Variants in KCNH7 observed in about 807,000 individuals in gnomAD.
KCNH7 encodes the protein potassium voltage-gated channel subfamily H member 7.
A neutral mutation model predicts 120.8 loss-of-function variants in KCNH7; 49 were observed. The observed-to-expected ratio is 0.41, with a 90% confidence interval of 0.32 to 0.51. The LOEUF is 0.51. KCNH7 is among the 20% of genes least tolerant of loss of function. The pLI, the probability that KCNH7 is intolerant of heterozygous loss-of-function variation, is 0.38. For missense variants in KCNH7, 1,097 were observed against 1,446.6 expected (o/e 0.76, Z 3.92); for synonymous variants, 547 against 516.1 (o/e 1.06, Z -0.81).
chr2:162,687,876 A>C (rs1445357510), intron 2 of KCNH7, among the ~76,000 whole-genome samples: 1 of 152,160 alleles, frequency 6.6e-6, no homozygotes, highest in Non-Finnish European at 1.5e-5. Flanking sequence ...AGTAAATAAA[A>C]ACTATGTGTA....
At chr2:162,564,154 G>A (rs1331916895) in intron 2 of KCNH7, among the ~76,000 whole-genome samples, 4 of 151,824 alleles carry the variant, frequency 2.6e-5, no homozygotes, top group Admixed American at 2.6e-4. Context: ...CACTGAATAT[G>A]TTGCTCCTTT....
At chr2:162,373,689 GAC>G in intron 14 of KCNH7, 27 bp from the exon 15 acceptor site, 2 of 1,421,858 alleles carry the variant, frequency 1.4e-6, no homozygotes, top group Non-Finnish European at 1.9e-6. Context: ...AGTAGGAAAA[GAC>G]AGTCTAAAAT....
At position 162,589,904 on chromosome 2, in the gene KCNH7, TTA is replaced by T. The variant is rs555824542; in HGVS notation, c.308-52826_308-52825del. Among the ~76,000 whole-genome samples, 5 of 152,226 alleles carry T rather than the reference TTA, an allele frequency of 3.3e-5. No individual in the cohort carries two copies. In the South Asian group the frequency reaches 1.0e-3, roughly 32 times the overall value. On this transcript the variant is annotated intron_variant, in intron 2 of 15. Coordinates refer to ENST00000332142, the MANE Select transcript of KCNH7 (RefSeq NM_033272.4). ...TGGGTACGTATGTTCCCTTAAACAG[TTA>T]TGTTCTTGTTAAAGTCAGTATATTA...
At chr2:162,768,147 T>G (rs1682894962) in intron 2 of KCNH7, among the ~76,000 whole-genome samples, 2 of 152,192 alleles carry the variant, frequency 1.3e-5, no homozygotes, top group Non-Finnish European at 2.9e-5. Context: ...AATTACTGAC[T>G]TAAAACAAAT....
At chr2:162,540,109 C>G (rs1440430442) in intron 2 of KCNH7, among the ~76,000 whole-genome samples, 1 of 151,890 alleles carries the variant, frequency 6.6e-6, no homozygotes, top group East Asian at 1.9e-4. Context: ...AAATAGACAT[C>G]TAATAATGTG....
chr2:162,463,908 A>C (rs13428842), intron 6 of KCNH7, among the ~76,000 whole-genome samples: 11,216 of 151,990 alleles, frequency 0.074, 1,318 homozygotes, highest in African/African-American at 0.25. Context: ...TGATATGTTT[A>C]TCCAAGGGAG....
intron 9 of KCNH7, among the ~76,000 whole-genome samples, 199 bp from the exon 10 acceptor site, chr2:162,400,640 T>C (rs1211373504): frequency 6.6e-6 from 1 of 151,942 alleles, no homozygotes; most frequent in Non-Finnish European, 1.5e-5. Context: ...ACTTGTTCTC[T>C]GAATTAACTG....
At chr2:162,480,969 G>A (rs1423614935) in intron 6 of KCNH7, among the ~76,000 whole-genome samples, 1 of 152,098 alleles carries the variant, frequency 6.6e-6, no homozygotes, top group Non-Finnish European at 1.5e-5. Context: ...GCTGCTTTTG[G>A]TGACTGCCTT....
At chr2:162,442,447 A>G (rs1370668732) in intron 7 of KCNH7, among the ~76,000 whole-genome samples, 1 of 152,198 alleles carries the variant, frequency 6.6e-6, no homozygotes, top group Admixed American at 6.5e-5. Flanking sequence ...GGTTGAATGT[A>G]AATAAAAGTG....
chr2:162,658,110 C>T lies in KCNH7; in HGVS notation c.308-121030G>A, dbSNP rs755451262. Among the ~76,000 whole-genome samples the T allele has an allele frequency of 4.0e-5, 6 of 151,224 alleles. No individual in the cohort carries two copies. In the East Asian group the frequency reaches 5.9e-4, roughly 15 times the overall value. ...GCCATGGGAGCACACAAGAAGAAGA[C>T]GGCCAACTATAAACCAGGAAGGGGG... On this transcript the variant is annotated intron_variant, in intron 2 of 15. Coordinates refer to ENST00000332142, the MANE Select transcript of KCNH7 (RefSeq NM_033272.4).
intron 2 of KCNH7, among the ~76,000 whole-genome samples, chr2:162,768,665 C>T (rs1313761485): frequency 1.3e-5 from 2 of 152,080 alleles, no homozygotes; most frequent in Non-Finnish European, 2.9e-5. Context: ...GAACAAAGAG[C>T]TTCATAAGTG....
chr2:162,543,906 A>G (rs1018179591), intron 2 of KCNH7, among the ~76,000 whole-genome samples: 5 of 152,190 alleles, frequency 3.3e-5, no homozygotes, highest in Non-Finnish European at 7.4e-5. Flanking sequence ...ATAAAAATCA[A>G]TTTCTCAATT....
At chr2:162,415,114 TC>T (rs1178805488) in intron 9 of KCNH7, among the ~76,000 whole-genome samples, 1 of 151,864 alleles carries the variant, frequency 6.6e-6, no homozygotes, top group African/African-American at 2.4e-5. Context: ...AAACAACTTT[TC>T]TAATTGCCCA....
intron 6 of KCNH7, among the ~76,000 whole-genome samples, chr2:162,467,891 C>G (rs1027456884): frequency 6.6e-6 from 1 of 152,136 alleles, no homozygotes; most frequent in Non-Finnish European, 1.5e-5. Flanking sequence ...ACAGATGGCA[C>G]CTTCTTGTTG....
At chr2:162,565,753 T>A (rs1383282553) in intron 2 of KCNH7, among the ~76,000 whole-genome samples, 3 of 152,066 alleles carry the variant, frequency 2.0e-5, no homozygotes, top group Non-Finnish European at 4.4e-5. Context: ...TTTATAAAGT[T>A]TCACCATCTG....
intron 3 of KCNH7, among the ~76,000 whole-genome samples, chr2:162,534,494 T>C (rs1419745886): frequency 6.6e-6 from 1 of 151,582 alleles, no homozygotes. Flanking sequence ...AAACAAAATT[T>C]AAATATTTAC....
chr2:162,809,849 T>A (rs1049709128), intron 2 of KCNH7, among the ~76,000 whole-genome samples: 1 of 152,110 alleles, frequency 6.6e-6, no homozygotes, highest in Non-Finnish European at 1.5e-5. Context: ...TTTTATAATT[T>A]TAGTTGCTAT....
chr2:162,745,314 C>T (rs991064851), intron 2 of KCNH7, among the ~76,000 whole-genome samples: 5 of 152,120 alleles, frequency 3.3e-5, no homozygotes, highest in Non-Finnish European at 5.9e-5. Flanking sequence ...CTTACCTCTA[C>T]TCGTTTACTG....
chr2:162,803,383 T>C (rs888868549), intron 2 of KCNH7, among the ~76,000 whole-genome samples: 2 of 151,904 alleles, frequency 1.3e-5, no homozygotes, highest in South Asian at 2.1e-4. Context: ...TGTTGATCTA[T>C]TAAATACTTG....
Sources: gnomAD v4.1 joint callset for allele counts (sites outside exome capture counted in the v4.1 genomes callset) on GRCh38, gnomAD v4.1.1 for gene constraint, MANE v1.5 for transcripts, NCBI Gene and HGNC (gene_info 2026-07-23, HGNC 2026-07-21) for gene names.